Variants in HAPLN1 observed in about 807,000 individuals in gnomAD.
HAPLN1 encodes Cartilage link protein.
HAPLN1 carries 13 observed loss-of-function variants against 36.5 expected under a neutral mutation model. The ratio of observed to expected loss-of-function variants is 0.36; its 90% confidence interval spans 0.23 to 0.57. The LOEUF is 0.57. Ranked by LOEUF, HAPLN1 falls within the 20% of genes least tolerant of loss-of-function variation. The probability of loss-of-function intolerance (pLI) is 0.83; values close to 1 mark genes in which losing one functional copy is unlikely to be tolerated. For missense variants in HAPLN1, 407 were observed against 439.7 expected (o/e 0.93, Z 0.66); for synonymous variants, 202 against 169.8 (o/e 1.19, Z -1.48).
chr5:83,710,766 C>G (rs550328712), intron 1 of HAPLN1, among the ~76,000 whole-genome samples: 1 of 152,174 alleles, frequency 6.6e-6, no homozygotes, highest in African/African-American at 2.4e-5. Flanking sequence ...GCCTGACCAA[C>G]ATGGCAAAAC....
At chr5:83,704,107 CAAAA>C (rs34709377) in intron 1 of HAPLN1, among the ~76,000 whole-genome samples, 1 of 140,242 alleles carries the variant, frequency 7.1e-6, no homozygotes, top group Non-Finnish European at 1.6e-5. Context: ...GCAACAGTCT[CAAAA>C]AAAAAAAAAA....
At chr5:83,695,961 G>A (rs917381933) in intron 1 of HAPLN1, among the ~76,000 whole-genome samples, 3 of 151,960 alleles carry the variant, frequency 2.0e-5, no homozygotes, top group South Asian at 2.1e-4. Flanking sequence ...AAGTCAAACA[G>A]ATTGGAAAGG....
rs183624179 is a variant in HAPLN1 at position 83,712,003 on chromosome 5, C to A, written c.-27+8786G>T. 4.6e-5 allele frequency among the ~76,000 whole-genome samples: 7 copies of A among 152,298 alleles called. No individual in the cohort carries two copies. The East Asian group carries it at 1.3e-3, about 29-fold the overall frequency. On this transcript the variant is annotated intron_variant, in intron 1 of 4. Transcript: ENST00000274341. ...TAGTGATTGACTCAAGAATGATATA[C>A]TAATTTGCAGACAGACTCAGAAAAT... is the stretch of plus-strand genomic sequence containing the variant.
intron 1 of HAPLN1, among the ~76,000 whole-genome samples, chr5:83,688,096 A>T (rs993768013): frequency 3.3e-5 from 5 of 152,092 alleles, no homozygotes; most frequent in Admixed American, 1.3e-4. Context: ...ATGCATCTAC[A>T]CTTTCAGGAT....
intron 4 of HAPLN1, among the ~76,000 whole-genome samples, chr5:83,643,747 C>T (rs1282089959): frequency 6.6e-6 from 1 of 152,196 alleles, no homozygotes; most frequent in African/African-American, 2.4e-5. Flanking sequence ...CCACAGCACC[C>T]AGCCCACATT....
intron 1 of HAPLN1, among the ~76,000 whole-genome samples, chr5:83,695,166 C>A (rs150209057): frequency 9.5e-4 from 145 of 152,284 alleles, no homozygotes; most frequent in African/African-American, 3.4e-3. Flanking sequence ...ACTCTTGTCA[C>A]CCAGGCTGGG....
intron 1 of HAPLN1, among the ~76,000 whole-genome samples, chr5:83,692,868 T>C (rs909779798): frequency 5.3e-5 from 8 of 151,782 alleles, no homozygotes; most frequent in South Asian, 2.1e-4. Context: ...CTAAGGGTAA[T>C]AGAAATATGT....
chr5:83,656,909 T>C (rs1750233403), intron 2 of HAPLN1, among the ~76,000 whole-genome samples: 1 of 152,196 alleles, frequency 6.6e-6, no homozygotes, highest in Non-Finnish European at 1.5e-5. Context: ...AGATGAAGAC[T>C]TTTAAACAAT....
chr5:83,652,845 A>G (rs1430314614), intron 2 of HAPLN1, 21 bp from the exon 3 acceptor site: 3 of 1,542,542 alleles, frequency 1.9e-6, no homozygotes, highest in South Asian at 1.2e-5. Flanking sequence ...AAAGGAAAAA[A>G]AAAAGAAAAT....
intron 2 of HAPLN1, among the ~76,000 whole-genome samples, chr5:83,653,373 T>C (rs1750128849): frequency 6.6e-6 from 1 of 152,222 alleles, no homozygotes. Context: ...TTATGGCTTC[T>C]AGTCAAATAT....
intron 1 of HAPLN1, chr5:83,675,337 G>A (rs1369922216): frequency 3.3e-5 from 5 of 152,088 alleles, no homozygotes; most frequent in Admixed American, 6.6e-5. Context: ...GAGAAGGGGC[G>A]CTGTGGAGGA....
At chr5:83,708,942 T>G (rs1429091559) in intron 1 of HAPLN1, among the ~76,000 whole-genome samples, 2 of 152,196 alleles carry the variant, frequency 1.3e-5, no homozygotes, top group African/African-American at 4.8e-5. Context: ...AGCGGCGTGA[T>G]CTCAGCTCAC....
chr5:83,685,269 T>C (rs11748330), intron 1 of HAPLN1, among the ~76,000 whole-genome samples: 43,023 of 152,080 alleles, frequency 0.28, 6,649 homozygotes, highest in East Asian at 0.41. Flanking sequence ...TACTACTATG[T>C]CCTCTGACAC....
intron 2 of HAPLN1, among the ~76,000 whole-genome samples, chr5:83,656,073 A>T (rs1750201527): frequency 6.6e-6 from 1 of 152,164 alleles, no homozygotes; most frequent in Non-Finnish European, 1.5e-5. Flanking sequence ...CACGCCTATA[A>T]TCCCAGCACT....
At chr5:83,662,712 C>A (rs931853746) in intron 2 of HAPLN1, among the ~76,000 whole-genome samples, 1 of 152,198 alleles carries the variant, frequency 6.6e-6, no homozygotes, top group Admixed American at 6.5e-5. Flanking sequence ...TTATCTACCA[C>A]TCCTTAATTG....
chr5:83,644,446 G>C lies in HAPLN1; in HGVS notation c.692C>G (p.Thr231Arg). The C allele has an allele frequency of 6.2e-7, 1 of 1,612,424 alleles. No individual in the cohort carries two copies. The highest frequency in any genetic ancestry group is 8.5e-7 in the Non-Finnish European group (1 of 1,179,410). The change falls in exon 4 of 5, where the codon ACA becomes AGA. Residue 231 changes from threonine to arginine, a missense_variant. Transcript: ENST00000274341. ...KPREPCGGQN[T>R]VPGVRNYGFW... ...TCCGTAGTTCCTGACTCCGGGCACT[G>C]TGTTCTGCCCCCCACAGGGCTCTCT...
chr5:83,655,770 C>G (rs1259225783), intron 2 of HAPLN1, among the ~76,000 whole-genome samples: 1 of 152,104 alleles, frequency 6.6e-6, no homozygotes, highest in Non-Finnish European at 1.5e-5. Context: ...TCTCCCATGC[C>G]TTAGCTGTTG....
At chr5:83,661,431 G>C (rs1750383589) in intron 2 of HAPLN1, among the ~76,000 whole-genome samples, 1 of 117,640 alleles carries the variant, frequency 8.5e-6, no homozygotes, top group Non-Finnish European at 1.7e-5. Flanking sequence ...TGTGAGAAAA[G>C]CTTCTTTTTT....
intron 1 of HAPLN1, among the ~76,000 whole-genome samples, chr5:83,712,366 AT>A (rs1314327431): frequency 6.6e-6 from 1 of 152,134 alleles, no homozygotes; most frequent in African/African-American, 2.4e-5. Flanking sequence ...AATGGAGCAC[AT>A]AAAAAGTTTA....
Sources: gnomAD v4.1 joint callset for allele counts (sites outside exome capture counted in the v4.1 genomes callset) on GRCh38, gnomAD v4.1.1 for gene constraint, MANE v1.5 for transcripts, NCBI Gene and HGNC (gene_info 2026-07-23, HGNC 2026-07-21) for gene names.